Variants in RNF150 observed in about 807,000 individuals in gnomAD.
RNF150 encodes ring finger protein 150.
A neutral mutation model predicts 39.3 loss-of-function variants in RNF150; 24 were observed. The ratio of observed to expected loss-of-function variants is 0.61; its 90% CI spans 0.44 to 0.86. The LOEUF is 0.86. RNF150 is among the 40% of genes least tolerant of loss of function. RNF150 has a pLI of 0.00. For synonymous variants in RNF150, 255 were observed against 227.3 expected, an observed-to-expected ratio of 1.12 and a Z score of -1.10; for missense variants, 502 against 587.8, an observed-to-expected ratio of 0.85 and a Z score of 1.51.
At chr4:140,909,959 C>T (rs1730528122) in intron 6 of RNF150, among the ~76,000 whole-genome samples, 1 of 152,158 alleles carries the variant, frequency 6.6e-6, no homozygotes, top group Non-Finnish European at 1.5e-5. Flanking sequence ...GTTCAAATCC[C>T]ATGGATCATC....
At chr4:141,120,863 T>A (rs1043304973) in intron 1 of RNF150, among the ~76,000 whole-genome samples, 1 of 152,026 alleles carries the variant, frequency 6.6e-6, no homozygotes, top group Non-Finnish European at 1.5e-5. Context: ...GTGATTGCCT[T>A]TGATTTGTAT....
intron 1 of RNF150, among the ~76,000 whole-genome samples, chr4:141,177,034 A>G (rs1281622568): frequency 6.7e-6 from 1 of 148,648 alleles, no homozygotes; most frequent in Non-Finnish European, 1.5e-5. Context: ...TGGGCAACAT[A>G]ACAAGACCCT....
intron 1 of RNF150, among the ~76,000 whole-genome samples, chr4:141,143,638 G>A (rs931565723): frequency 6.6e-6 from 1 of 152,186 alleles, no homozygotes; most frequent in Non-Finnish European, 1.5e-5. Flanking sequence ...CTTTAAGTGA[G>A]CCTGTGCCTT....
At chr4:140,952,856 G>A (rs1732593482) in intron 2 of RNF150, among the ~76,000 whole-genome samples, 1 of 152,090 alleles carries the variant, frequency 6.6e-6, no homozygotes, top group Non-Finnish European at 1.5e-5. Context: ...TAATGACAGG[G>A]ATACATTCTG....
At chr4:141,167,473 G>C (rs1425316626) in intron 1 of RNF150, among the ~76,000 whole-genome samples, 1 of 151,446 alleles carries the variant, frequency 6.6e-6, no homozygotes, top group Non-Finnish European at 1.5e-5. Context: ...ACCAAAAGGA[G>C]CCCATATAGC....
chr4:140,915,121 A>G (rs1730764658), intron 5 of RNF150, among the ~76,000 whole-genome samples: 1 of 152,224 alleles, frequency 6.6e-6, no homozygotes, highest in African/African-American at 2.4e-5. Flanking sequence ...AAGGGCTGTA[A>G]TTCCATAGAC....
chr4:140,916,814 G>A (rs1422687741), intron 5 of RNF150, among the ~76,000 whole-genome samples: 1 of 152,214 alleles, frequency 6.6e-6, no homozygotes, highest in Non-Finnish European at 1.5e-5. Flanking sequence ...TACCCACAAA[G>A]GGAAGCCCAT....
intron 1 of RNF150, among the ~76,000 whole-genome samples, chr4:141,039,919 A>G (rs1234817971): frequency 2.0e-5 from 3 of 152,128 alleles, no homozygotes; most frequent in Non-Finnish European, 4.4e-5. Context: ...ACGTTGAGCC[A>G]ATGTGCAAGT....
intron 1 of RNF150, among the ~76,000 whole-genome samples, chr4:141,054,702 T>G (rs1364669956): frequency 6.6e-6 from 1 of 152,140 alleles, no homozygotes. Flanking sequence ...ACCTTCTCTC[T>G]TCAGATAAAT....
intron 1 of RNF150, among the ~76,000 whole-genome samples, chr4:141,099,754 G>A (rs530093001): frequency 4.6e-5 from 7 of 152,160 alleles, no homozygotes; most frequent in South Asian, 4.1e-4. Flanking sequence ...TGATGGTAAA[G>A]AGTGGGATGG....
intron 1 of RNF150, among the ~76,000 whole-genome samples, chr4:141,032,644 G>A (rs551993389): frequency 6.6e-6 from 1 of 151,870 alleles, no homozygotes; most frequent in African/African-American, 2.4e-5. Flanking sequence ...CCCAAGAACA[G>A]TGCTAGTTGG....
At chr4:141,158,902 T>C (rs1005885700) in intron 1 of RNF150, among the ~76,000 whole-genome samples, 1 of 152,242 alleles carries the variant, frequency 6.6e-6, no homozygotes, top group Non-Finnish European at 1.5e-5. Context: ...TAGTTCTTCA[T>C]TCCTTTTTGT....
At chr4:141,014,658 C>T (rs1332732155) in intron 1 of RNF150, among the ~76,000 whole-genome samples, 29 of 152,174 alleles carry the variant, frequency 1.9e-4, no homozygotes, top group Admixed American at 1.8e-3. Context: ...AATGTCCATT[C>T]AGGTCCTTTG....
intron 1 of RNF150, among the ~76,000 whole-genome samples, chr4:140,992,723 C>T (rs1169841628): frequency 6.6e-6 from 1 of 152,110 alleles, no homozygotes; most frequent in Admixed American, 6.5e-5. Flanking sequence ...ATGGGCTGGA[C>T]ACAGTCATGA....
intron 1 of RNF150, among the ~76,000 whole-genome samples, chr4:141,180,844 G>T (rs1439190416): frequency 1.3e-5 from 2 of 152,074 alleles, no homozygotes; most frequent in South Asian, 2.1e-4. Context: ...CCTTTCTCAG[G>T]TACTGCAATT....
intron 4 of RNF150, among the ~76,000 whole-genome samples, chr4:140,945,889 A>G (rs1045571058): frequency 6.6e-6 from 1 of 152,252 alleles, no homozygotes; most frequent in African/African-American, 2.4e-5. Flanking sequence ...AAAGGAAAGC[A>G]CTTTGCTTAT....
At chr4:141,041,256 G>T (rs1352183096) in intron 1 of RNF150, among the ~76,000 whole-genome samples, 1 of 152,078 alleles carries the variant, frequency 6.6e-6, no homozygotes, top group African/African-American at 2.4e-5. Flanking sequence ...CAAGTCCTAT[G>T]CATGTCTTAT....
chr4:141,205,901 A>G (rs979245695), intron 1 of RNF150, among the ~76,000 whole-genome samples: 3 of 152,116 alleles, frequency 2.0e-5, no homozygotes, highest in Non-Finnish European at 4.4e-5. Flanking sequence ...AAGAGTTAAC[A>G]CTTATGATTG....
chr4:140,897,704 T>C (rs1730014488), intron 6 of RNF150, among the ~76,000 whole-genome samples: 1 of 152,202 alleles, frequency 6.6e-6, no homozygotes, highest in East Asian at 1.9e-4. Context: ...TGGCACAAAG[T>C]TTACTAGTGT....
Sources: allele counts gnomAD v4.1 joint callset (sites outside exome capture counted in the v4.1 genomes callset), GRCh38; gene constraint gnomAD v4.1.1; transcripts MANE v1.5; gene names NCBI Gene and HGNC (gene_info 2026-07-23, HGNC 2026-07-21).